TYW1: variants seen among roughly 807,000 people sequenced by gnomAD.
TYW1 encodes tRNA-yW synthesizing protein 1 homolog, also known as S-adenosyl-L-methionine-dependent tRNA 4-demethylwyosine synthase TYW1.
In TYW1, 46 loss-of-function variants were observed where a neutral mutation model predicts 96.2. That is an observed-to-expected ratio of 0.48 (90% CI 0.38 to 0.61). TYW1 has a LOEUF of 0.61. TYW1 is among the 20% of genes least tolerant of loss of function. The pLI, the probability that TYW1 is intolerant of heterozygous loss-of-function variation, is 0.00. For synonymous variants in TYW1, 274 were observed against 323.0 expected (o/e 0.85, Z 1.63); for missense variants, 684 against 909.6 (o/e 0.75, Z 3.19).
intron 14 of TYW1, among the ~76,000 whole-genome samples, chr7:67,191,475 C>G (rs922840108): frequency 4.0e-5 from 6 of 151,638 alleles, no homozygotes; most frequent in African/African-American, 1.2e-4. Flanking sequence ...CACGCTGTAC[C>G]CATCTATTTT....
intron 13 of TYW1, among the ~76,000 whole-genome samples, chr7:67,172,595 G>T (rs1169057903): frequency 7.3e-5 from 11 of 151,132 alleles, no homozygotes; most frequent in African/African-American, 2.7e-4. Flanking sequence ...TATTTTTTTT[G>T]TATTTTTAGT....
intron 15 of TYW1, among the ~76,000 whole-genome samples, chr7:67,205,351 C>T (rs2116374203): frequency 6.6e-6 from 1 of 152,114 alleles, no homozygotes; most frequent in East Asian, 1.9e-4. Context: ...GTGACTGTTC[C>T]CCCCTTAGAC....
At chr7:67,153,951 G>C (rs1371471417) in intron 13 of TYW1, among the ~76,000 whole-genome samples, 1 of 133,792 alleles carries the variant, frequency 7.5e-6, no homozygotes, top group East Asian at 2.3e-4. Context: ...TTTTTGAGAC[G>C]GAGTCTCGCT....
intron 15 of TYW1, among the ~76,000 whole-genome samples, chr7:67,230,652 C>CTTTTTTT (rs34585182): frequency 0.012 from 1,407 of 119,416 alleles, 92 homozygotes; most frequent in African/African-American, 0.046. Flanking sequence ...CTTATTATCT[C>CTTTTTTT]TTTTTTTTTT....
At chr7:67,034,608 T>C (rs1400951167) in intron 7 of TYW1, among the ~76,000 whole-genome samples, 1 of 152,182 alleles carries the variant, frequency 6.6e-6, no homozygotes, top group African/African-American at 2.4e-5. Flanking sequence ...GATCATTTTG[T>C]ACTCCTGGTC....
intron 13 of TYW1, among the ~76,000 whole-genome samples, chr7:67,148,605 A>G (rs1405958926): frequency 6.6e-6 from 1 of 151,636 alleles, no homozygotes; most frequent in Non-Finnish European, 1.5e-5. Context: ...TTTTATATAT[A>G]TATTTTTAGT....
At chr7:67,159,795 T>TTTTATTTA (rs1554380277) in intron 13 of TYW1, among the ~76,000 whole-genome samples, 1 of 149,544 alleles carries the variant, frequency 6.7e-6, no homozygotes, top group Non-Finnish European at 1.5e-5. Flanking sequence ...TTTTATTTTA[T>TTTTATTTA]TTTATTTATT....
chr7:67,017,846 C>T lies in TYW1; in HGVS notation c.571-7C>T. 1.2e-6 allele frequency: 2 copies of T among 1,609,120 alleles called. No individual in the cohort carries two copies. The highest frequency in any genetic ancestry group is 8.5e-7 in the Non-Finnish European group (1 of 1,176,170). ...GTGCTTTTAGCCTATCTATCTTTTC[C>T]TCACAGGTTGGCAAAAATGTTGACA... On this transcript the variant is annotated splice_region_variant and splice_polypyrimidine_tract_variant and intron_variant, in intron 5 of 15. Transcript: ENST00000359626.
intron 10 of TYW1, among the ~76,000 whole-genome samples, chr7:67,079,098 G>A (rs1219791450): frequency 2.0e-5 from 3 of 151,790 alleles, no homozygotes; most frequent in Non-Finnish European, 2.9e-5. Context: ...TACTGGCCTC[G>A]TATAATACTG....
At chr7:67,057,507 C>T (rs1378071789) in intron 9 of TYW1, among the ~76,000 whole-genome samples, 5 of 151,892 alleles carry the variant, frequency 3.3e-5, no homozygotes, top group African/African-American at 9.7e-5. Context: ...GGATTACAAG[C>T]GTGTGCCAAC....
At chr7:67,127,465 A>G (rs1183286626) in intron 13 of TYW1, among the ~76,000 whole-genome samples, 1 of 152,082 alleles carries the variant, frequency 6.6e-6, no homozygotes, top group East Asian at 1.9e-4. Flanking sequence ...CGGCCTCCTT[A>G]TAATAACAAA....
intron 7 of TYW1, among the ~76,000 whole-genome samples, chr7:67,031,171 C>T (rs1461947493): frequency 1.4e-3 from 173 of 125,836 alleles, no homozygotes; most frequent in Middle Eastern, 5.2e-3. Context: ...CCAGCCTAGG[C>T]GACAGAGCGA....
intron 15 of TYW1, among the ~76,000 whole-genome samples, chr7:67,202,109 C>T (rs1800622469): frequency 6.6e-6 from 1 of 152,168 alleles, no homozygotes; most frequent in Admixed American, 6.5e-5. Context: ...CATTTAGATT[C>T]CTTCCAATTA....
In TYW1 at chr7:67,131,817, TG is replaced by T. The variant is rs547069320; in HGVS notation, c.1698+14200del. ...CTGAGAGCCCCTGGCAAACCACTGG[TG>T]TAAGTCCAAGAGTCCAAAAGCTGAA... On this transcript the variant is annotated intron_variant, in intron 13 of 15. Transcript: ENST00000359626. Among the ~76,000 whole-genome samples, 3 of 152,244 alleles carry T rather than the reference TG, an allele frequency of 2.0e-5. No homozygotes were observed. In the South Asian group the frequency reaches 6.2e-4, roughly 32 times the overall value.
chr7:67,152,450 C>G (rs1178137000), intron 13 of TYW1, among the ~76,000 whole-genome samples: 1 of 151,758 alleles, frequency 6.6e-6, no homozygotes, highest in Non-Finnish European at 1.5e-5. Context: ...TTTTTTTCTT[C>G]TTTGCTGGCA....
At chr7:67,079,927 G>C (rs1796328880) in intron 10 of TYW1, among the ~76,000 whole-genome samples, 1 of 151,950 alleles carries the variant, frequency 6.6e-6, no homozygotes. Context: ...CTGATTTCTT[G>C]TTGTATTCCA....
intron 13 of TYW1, among the ~76,000 whole-genome samples, chr7:67,165,594 A>G (rs766187738): frequency 8.6e-5 from 13 of 152,018 alleles, no homozygotes; most frequent in Non-Finnish European, 1.5e-4. Context: ...AACAGACATA[A>G]TATCATTTTA....
intron 14 of TYW1, among the ~76,000 whole-genome samples, chr7:67,184,467 T>C (rs1287544785): frequency 6.6e-6 from 1 of 152,060 alleles, no homozygotes; most frequent in East Asian, 1.9e-4. Flanking sequence ...TTGCCTCTCA[T>C]ATTTTTGCAA....
chr7:67,026,930 C>T, intron 7 of TYW1, among the ~76,000 whole-genome samples: 1 of 152,100 alleles, frequency 6.6e-6, no homozygotes, highest in East Asian at 1.9e-4. Flanking sequence ...AGTGCAGTGG[C>T]TCACCCTGTA....
Sources: gnomAD v4.1 joint callset for allele counts (sites outside exome capture counted in the v4.1 genomes callset) on GRCh38, gnomAD v4.1.1 for gene constraint, MANE v1.5 for transcripts, NCBI Gene and HGNC (gene_info 2026-07-23, HGNC 2026-07-21) for gene names.